Variants in EML6 observed in about 807,000 individuals in gnomAD.
EML6 encodes the protein echinoderm microtubule-associated protein-like 6.
In EML6, 154 loss-of-function variants were observed where a neutral mutation model predicts 240.1. The observed-to-expected ratio is 0.64, with a 90% CI of 0.56 to 0.73. The LOEUF is 0.73. EML6 is among the 30% of genes least tolerant of loss of function. The probability of loss-of-function intolerance (pLI) is 0.00; values close to 1 mark genes in which losing one functional copy is unlikely to be tolerated. For missense variants in EML6, 2,964 were observed against 2,474.6 expected, an observed-to-expected ratio of 1.20 and a Z score of -4.20; for synonymous variants, 1,148 against 899.0, an observed-to-expected ratio of 1.28 and a Z score of -4.95.
At chr2:54,785,749 C>A (rs1400714603) in intron 2 of EML6, among the ~76,000 whole-genome samples, 7 of 151,686 alleles carry the variant, frequency 4.6e-5, no homozygotes, top group Non-Finnish European at 1.0e-4. Flanking sequence ...ATACTTTTTG[C>A]ATTCATGACA....
In EML6 at chr2:54,828,734, T is replaced by G. The variant is rs901745626; in HGVS notation, c.712-608T>G. Among the ~76,000 whole-genome samples the G allele has an allele frequency of 1.7e-4, 26 of 152,242 alleles. 1 individual carries two copies. Among genetic ancestry groups the G allele is most frequent in the African/African-American group, 5.1e-4 (21 of 41,458 alleles). ...GGATCTTATGTCAACATTATATTCT[T>G]GCAGCACTTTTGAACAAACCAAATA... On this transcript the variant is annotated intron_variant, in intron 6 of 41. Transcript: ENST00000356458.
At chr2:54,815,981 C>T (rs992287542) in intron 3 of EML6, among the ~76,000 whole-genome samples, 1 of 152,028 alleles carries the variant, frequency 6.6e-6, no homozygotes, top group African/African-American at 2.4e-5. Context: ...TTTTTTATAC[C>T]CATTGTACAA....
At chr2:54,795,960 G>C (rs1172880010) in intron 2 of EML6, among the ~76,000 whole-genome samples, 1 of 151,976 alleles carries the variant, frequency 6.6e-6, no homozygotes, top group Non-Finnish European at 1.5e-5. Context: ...TACAACTGTT[G>C]GCATTAAAAA....
chr2:54,967,275 G>T, intron 39 of EML6, 172 bp downstream of exon 39: 1 of 492,924 alleles, frequency 2.0e-6, no homozygotes. Flanking sequence ...TAGGTCACTG[G>T]CTTTGATCTG....
At chr2:54,912,498 A>T (rs1283485985) in intron 25 of EML6, among the ~76,000 whole-genome samples, 2 of 152,182 alleles carry the variant, frequency 1.3e-5, no homozygotes, top group African/African-American at 2.4e-5. Flanking sequence ...TGGCATACAA[A>T]TTATTGCATC....
chr2:54,825,775 C>G (rs1389190645), intron 5 of EML6, among the ~76,000 whole-genome samples: 1 of 152,186 alleles, frequency 6.6e-6, no homozygotes, highest in Non-Finnish European at 1.5e-5. Flanking sequence ...TGCCTGAATC[C>G]TGGCCACCTT....
chr2:54,957,475 G>A (rs903700037), intron 32 of EML6, among the ~76,000 whole-genome samples: 7 of 151,886 alleles, frequency 4.6e-5, no homozygotes, highest in Admixed American at 6.6e-5. Context: ...ATGGAAGGGG[G>A]ATGGGGGATA....
intron 17 of EML6, among the ~76,000 whole-genome samples, chr2:54,889,705 T>C (rs968797567): frequency 2.6e-5 from 4 of 152,212 alleles, no homozygotes; most frequent in African/African-American, 9.6e-5. Flanking sequence ...TTTAGACATA[T>C]ATCCTTTGCA....
At chr2:54,746,191 T>A (rs1259320150) in intron 2 of EML6, among the ~76,000 whole-genome samples, 2 of 152,212 alleles carry the variant, frequency 1.3e-5, no homozygotes, top group African/African-American at 4.8e-5. Flanking sequence ...GGCAAGGCAT[T>A]TCCTGGTATC....
intron 28 of EML6, among the ~76,000 whole-genome samples, chr2:54,938,817 T>C (rs568265190): frequency 6.6e-6 from 1 of 152,356 alleles, no homozygotes; most frequent in African/African-American, 2.4e-5. Flanking sequence ...AGTCTGAGAT[T>C]GGCACTGGGG....
intron 19 of EML6, among the ~76,000 whole-genome samples, chr2:54,893,692 C>T (rs1299026087): frequency 6.6e-6 from 1 of 152,202 alleles, no homozygotes; most frequent in Middle Eastern, 3.2e-3. Context: ...TCTGTGCCCT[C>T]TGACCTCCAG....
chr2:54,814,233 G>T (rs990011595), intron 3 of EML6, among the ~76,000 whole-genome samples: 1 of 152,168 alleles, frequency 6.6e-6, no homozygotes, highest in African/African-American at 2.4e-5. Flanking sequence ...TTGCATGTTT[G>T]TACCTCTGGG....
chr2:54,746,361 T>C (rs941260607), intron 2 of EML6, among the ~76,000 whole-genome samples: 1 of 152,236 alleles, frequency 6.6e-6, no homozygotes, highest in African/African-American at 2.4e-5. Context: ...AGAGGACATA[T>C]CTGCTTTGAT....
rs1322095640 is a variant in EML6 at position 54,754,198 on chromosome 2, A to G, written c.197+28940A>G. Among the ~76,000 whole-genome samples the G allele has an allele frequency of 2.0e-5, 3 of 151,938 alleles. No homozygotes were observed. The East Asian group carries it at 5.8e-4, about 29-fold the overall frequency. On this transcript the variant is annotated intron_variant, in intron 2 of 41. Transcript: ENST00000356458. ...TGCTACGTTACCCAAGCTGGCCTCA[A>G]ACTCCTGGCCTCAAGCAATCCTCCT...
At chr2:54,794,670 G>A (rs1459597259) in intron 2 of EML6, among the ~76,000 whole-genome samples, 1 of 152,168 alleles carries the variant, frequency 6.6e-6, no homozygotes, top group Non-Finnish European at 1.5e-5. Flanking sequence ...TGGAGTAAAG[G>A]CTGGGCCACC....
intron 26 of EML6, among the ~76,000 whole-genome samples, chr2:54,923,050 T>A (rs890654710): frequency 6.7e-6 from 1 of 148,482 alleles, no homozygotes. Context: ...CAACCGATTC[T>A]CCTGCCTCAG....
At chr2:54,877,296 G>C (rs534137121) in intron 16 of EML6, among the ~76,000 whole-genome samples, 103 of 152,168 alleles carry the variant, frequency 6.8e-4, no homozygotes, top group African/African-American at 2.4e-3. Context: ...AATCTTTATA[G>C]CTATATAACG....
At chr2:54,834,476 A>G (rs910687819) in intron 7 of EML6, among the ~76,000 whole-genome samples, 39 of 152,240 alleles carry the variant, frequency 2.6e-4, no homozygotes, top group Admixed American at 1.1e-3. Context: ...TTCACACAGT[A>G]TAAGATGTAT....
At chr2:54,869,082 C>A in intron 14 of EML6, 99 bp from the exon 15 acceptor site, 2 of 722,158 alleles carry the variant, frequency 2.8e-6, no homozygotes, top group Non-Finnish European at 4.5e-6. Flanking sequence ...TCCACTTGTA[C>A]ATGTTCACGT....
Sources: gnomAD v4.1 joint callset for allele counts (sites outside exome capture counted in the v4.1 genomes callset) on GRCh38, gnomAD v4.1.1 for gene constraint, MANE v1.5 for transcripts, NCBI Gene and HGNC (gene_info 2026-07-23, HGNC 2026-07-21) for gene names.